The following GPR153 variants were observed in gnomAD, a reference collection of about 807,000 sequenced individuals.
GPR153 encodes the protein probable G protein-coupled receptor 153.
A neutral mutation model predicts 34.1 loss-of-function variants in GPR153; 27 were observed. The observed-to-expected ratio is 0.79, with a 90% CI of 0.58 to 1.09. The LOEUF is 1.09. GPR153 is among the 50% of genes least tolerant of loss of function. The probability of loss-of-function intolerance (pLI) is 0.00; values close to 1 mark genes in which losing one functional copy is unlikely to be tolerated. For missense variants in GPR153, 848 were observed against 860.2 expected, an observed-to-expected ratio of 0.99 and a Z score of 0.18; for synonymous variants, 408 against 405.4, an observed-to-expected ratio of 1.01 and a Z score of -0.08.
Position 6,248,226 on chromosome 1 carries a change from G to A in GPR153, c.*1112C>T, listed in dbSNP as rs1047181902. Reference sequence around the variant, plus strand: ...GGGTCTGCCCAGGATGGAAGGCAAAGAAATACATTGCTCCCAGGGGTTGGA... The same window carrying A: ...GGGTCTGCCCAGGATGGAAGGCAAAAAAATACATTGCTCCCAGGGGTTGGA... On this transcript the variant is annotated 3_prime_UTR_variant, in exon 6 of 6. Coordinates refer to ENST00000377893, the MANE Select transcript of GPR153 (RefSeq NM_207370.4). The A allele has an allele frequency of 5.3e-5, 8 of 152,316 alleles. No homozygotes were observed. Among genetic ancestry groups the A allele is most frequent in the African/African-American group, 1.9e-4 (8 of 41,466 alleles). 9.4% of individuals were successfully genotyped at this position (152,316 alleles called of 1,614,324 possible).
At position 6,253,762 on chromosome 1, in the gene GPR153, T is replaced by TG; in HGVS notation, c.741dup (p.Thr248HisfsTer59). 6.5e-7 allele frequency: 1 copy of TG among 1,541,372 alleles called. No individual in the cohort carries two copies. Among genetic ancestry groups the TG allele is most frequent in the Non-Finnish European group, 8.8e-7 (1 of 1,142,682 alleles). On this transcript the variant is annotated frameshift_variant, in exon 3 of 6. Coordinates refer to ENST00000377893, the MANE Select transcript of GPR153 (RefSeq NM_207370.4). LOFTEE classifies it high-confidence loss of function. ...AGGCAGTCGTAGATGAAGACTATGGTGGTCACGAGGCCCGTGGTCTGCAGA... is the reference window on the plus strand; with the variant it reads ...AGGCAGTCGTAGATGAAGACTATGGTGGGTCACGAGGCCCGTGGTCTGCAGA...
chr1:6,255,727 A>G (rs1638556824), intron 1 of GPR153, among the ~76,000 whole-genome samples: 1 of 129,986 alleles, frequency 7.7e-6, no homozygotes, highest in Non-Finnish European at 1.5e-5. Flanking sequence ...ATCTTGGCTC[A>G]CTATAACCTT....
chr1:6,251,088 T>C lies in GPR153; in HGVS notation c.979+250A>G, dbSNP rs1638438706. Among the ~76,000 whole-genome samples the C allele has an allele frequency of 6.6e-6, 1 of 152,146 alleles. No homozygotes were observed. The highest frequency in any genetic ancestry group is 2.4e-5 in the African/African-American group (1 of 41,434). On this transcript the variant is annotated intron_variant, in intron 4 of 5. Coordinates refer to ENST00000377893, the MANE Select transcript of GPR153 (RefSeq NM_207370.4). This position sits in a 1 kb window ranked among gnomAD's most constrained non-coding sequence, Gnocchi z 4.9. The stretch of plus-strand genomic sequence containing the variant: ...GGAGCACTTGCAGACATGTCTACCC[T>C]GCTCTCTGTTAACCAGAACATCCCA...
chr1:6,254,886 A>C lies in GPR153; in HGVS notation c.20T>G (p.Leu7Arg), dbSNP rs1638532415. The C allele has an allele frequency of 6.4e-7, 1 of 1,573,138 alleles. No homozygotes were observed. Reference sequence around the variant, plus strand: ...CAGCCAGCCCACTGCACTGCCAGGCAGCCGCCGCTCATCACTCATGGTGCA... The same window carrying C: ...CAGCCAGCCCACTGCACTGCCAGGCCGCCGCCGCTCATCACTCATGGTGCA... MSDERR[L>R]PGSAVGWLVC... is the part of the protein sequence containing the mutation. Residue 7 changes from leucine (L) to arginine (R), a missense_variant, in exon 2 of 6, where the codon CTG becomes CGG. Physicochemically the swap from Leu to Arg is moderately radical, Grantham distance 102. Transcript: ENST00000377893.
chr1:6,251,154 C>T lies in GPR153; in HGVS notation c.979+184G>A, dbSNP rs970425952. ...GGCAGCCAAGCCAGATAGGAGAGTG[C>T]CCTGTGGGAACCTGGCTTAGGTCCC... On this transcript the variant is annotated intron_variant, in intron 4 of 5. Transcript: ENST00000377893. The surrounding 1 kb of genome is among the most constrained non-coding windows in gnomAD (Gnocchi z 4.9). Among the ~76,000 whole-genome samples, 2 of 152,308 alleles carry T rather than the reference C, an allele frequency of 1.3e-5. No individual in the cohort carries two copies. Among genetic ancestry groups the T allele is most frequent in the Admixed American group, 6.5e-5 (1 of 15,306 alleles).
chr1:6,249,951 A>G lies in GPR153; in HGVS notation c.1217T>C (p.Val406Ala), dbSNP rs1638403789. ...SHDDADVWAA[V>A]PLPAFLPRWG... is the part of the protein sequence containing the mutation. ...GCGCGGCAGGAAGGCGGGCAGCGGG[A>G]CGGCGGCCCACACGTCCGCATCGTC... is the stretch of plus-strand genomic sequence containing the variant. The change falls in exon 6 of 6, where the codon GTC becomes GCC. Residue 406 changes from valine to alanine, a missense_variant. Physicochemically the swap from Val to Ala is moderately conservative, Grantham distance 64 (BLOSUM62 0). Transcript: ENST00000377893. This position sits in a 1 kb window ranked among gnomAD's most constrained non-coding sequence, Gnocchi z 4.3. The G allele has an allele frequency of 1.6e-6, 2 of 1,281,054 alleles. No homozygotes were observed. Among genetic ancestry groups the G allele is most frequent in the South Asian group, 3.0e-5 (1 of 33,862 alleles). 79.4% of individuals were successfully genotyped at this position (1,281,054 alleles called of 1,614,324 possible). A position where few individuals can be genotyped will look rare whatever the true frequency, so the allele number is the denominator to read the frequency against.
chr1:6,253,000 CCCTACCTA>C (rs1638482989), intron 3 of GPR153, among the ~76,000 whole-genome samples: 2 of 152,144 alleles, frequency 1.3e-5, no homozygotes, highest in South Asian at 2.1e-4. Context: ...GATCCTGCGC[CCCTACCTA>C]CCTACCTACG....
intron 1 of GPR153, among the ~76,000 whole-genome samples, chr1:6,256,493 G>A (rs957211063): frequency 1.3e-5 from 2 of 151,104 alleles, no homozygotes; most frequent in African/African-American, 4.9e-5. Flanking sequence ...CCTCAGCCCC[G>A]AGTGGCTGGG....
Position 6,249,865 on chromosome 1 carries a change from G to A in GPR153, c.1303C>T (p.Arg435Trp), listed in dbSNP as rs1436408125. Residue 435 changes from arginine (R) to tryptophan (W), a missense_variant, in exon 6 of 6, where the codon CGG becomes TGG. Arg to Trp is a moderately radical substitution (Grantham distance 101, BLOSUM62 -3). Coordinates refer to ENST00000377893, the MANE Select transcript of GPR153 (RefSeq NM_207370.4). The surrounding 1 kb of genome is among the most constrained non-coding windows in gnomAD (Gnocchi z 4.3). ...AAGGCCAGGAGGCTGGCGCGGCGCCGCTCGGGCCCGGCAGGCAGCACCAGG... is the reference window on the plus strand; with the variant it reads ...AAGGCCAGGAGGCTGGCGCGGCGCCACTCGGGCCCGGCAGGCAGCACCAGG... The part of the protein sequence containing the change: ...AHLVLPAGPE[R>W]RRASLLAFAE... The A allele has an allele frequency of 1.6e-6, 2 of 1,273,072 alleles. No homozygotes were observed. The highest frequency in any genetic ancestry group is 2.8e-5 in the South Asian group (1 of 35,326). The allele number at this position is 1,273,072 out of a possible 1,614,324, so 78.9% of individuals were successfully genotyped here. A position where few individuals can be genotyped will look rare whatever the true frequency, so the allele number is the denominator to read the frequency against.
intron 1 of GPR153, among the ~76,000 whole-genome samples, chr1:6,260,410 G>T (rs1321981201): frequency 3.1e-5 from 2 of 63,718 alleles, no homozygotes; most frequent in Admixed American, 4.9e-4. Context: ...GCTCCGACTC[G>T]CGTGCTCTCG....
chr1:6,250,134 G>A (rs1372354907), intron 5 of GPR153, 131 bp from the exon 6 acceptor site: 12 of 1,332,442 alleles, frequency 9.0e-6, no homozygotes, highest in Non-Finnish European at 1.1e-5. Context: ...CTGGCTGGGA[G>A]CTGTGAGGTT....
Position 6,254,147 on chromosome 1 carries a change from C to T in GPR153, c.357G>A (p.Arg119=). ...CCGCCTGCTTCTTGGCATTGCTCAG[C>T]CTGGCATGAGGCAGGGTGGAACAGA... ...MWMVCWPVNY[R]LSNAKKQAVH... Residue 119 remains arginine, a splice_region_variant and synonymous_variant, in exon 3 of 6, where the codon CGG becomes CGA. Transcript: ENST00000377893. 6.2e-7 allele frequency: 1 copy of T among 1,604,016 alleles called. No homozygotes were observed. The highest frequency in any genetic ancestry group is 1.1e-5 in the South Asian group (1 of 90,302).
At position 6,249,227 on chromosome 1, in the gene GPR153, C is replaced by G. The variant is rs1638373047; in HGVS notation, c.*111G>C. 1.2e-6 allele frequency: 1 copy of G among 807,378 alleles called. No homozygotes were observed. Among genetic ancestry groups the G allele is most frequent in the Non-Finnish European group, 1.7e-6 (1 of 600,818 alleles). 50.0% of individuals were successfully genotyped at this position (807,378 alleles called of 1,614,324 possible). A position where few individuals can be genotyped will look rare whatever the true frequency, so the allele number is the denominator to read the frequency against. On this transcript the variant is annotated 3_prime_UTR_variant, in exon 6 of 6. Coordinates refer to ENST00000377893, the MANE Select transcript of GPR153 (RefSeq NM_207370.4). The surrounding 1 kb of genome is among the most constrained non-coding windows in gnomAD (Gnocchi z 4.3). ...CGCTGAGGCCAACGCCCCCTCACCC[C>G]TGGGAGGGGTGGCGCATGTCTGCGC...
chr1:6,260,675 T>C (rs1571246228), intron 1 of GPR153, 150 bp downstream of exon 1: 1 of 151,610 alleles, frequency 6.6e-6, no homozygotes, highest in East Asian at 2.0e-4. Context: ...GGTCCCCAAG[T>C]TGGGGGGGTG....
chr1:6,258,090 G>A (rs1429261939), intron 1 of GPR153, among the ~76,000 whole-genome samples: 1 of 152,230 alleles, frequency 6.6e-6, no homozygotes, highest in African/African-American at 2.4e-5. Flanking sequence ...GGCAGGGAAG[G>A]CAGCGATGCC....
At chr1:6,250,647 G>T (rs997249905) in intron 4 of GPR153, 23 bp from the exon 5 acceptor site, 11 of 200,632 alleles carry the variant, frequency 5.5e-5, no homozygotes, top group Non-Finnish European at 1.0e-4. Context: ...GGGTGGGTGG[G>T]GGGGCAGAGC....
Position 6,250,458 on chromosome 1 carries a change from G to A in GPR153, c.1146C>T (p.Asp382=), listed in dbSNP as rs1638419125. ...QLYPLRPLQE[D]KMQYLQVPPT... The stretch of plus-strand genomic sequence containing the variant: ...CGCTCACCTGCAGGTATTGCATCTT[G>A]TCCTCCTGCAAGGGCCGCAGTGGGT... The change falls in exon 5 of 6, where the codon GAC becomes GAT. Residue 382 remains aspartate (D), a synonymous_variant. Coordinates refer to ENST00000377893, the MANE Select transcript of GPR153 (RefSeq NM_207370.4). 1.8e-5 allele frequency: 29 copies of A among 1,604,382 alleles called. No homozygotes were observed. The highest frequency in any genetic ancestry group is 2.5e-5 in the Non-Finnish European group (29 of 1,176,040).
intron 1 of GPR153, among the ~76,000 whole-genome samples, chr1:6,255,805 A>C (rs1638558448): frequency 6.6e-6 from 1 of 151,374 alleles, no homozygotes; most frequent in African/African-American, 2.4e-5. Context: ...GGCACGCACC[A>C]CCACGCCTGG....
At chr1:6,256,157 A>G (rs6703384) in intron 1 of GPR153, among the ~76,000 whole-genome samples, 107,631 of 151,876 alleles carry the variant, frequency 0.71, 38,322 homozygotes, top group Admixed American at 0.76. Context: ...AAGGGCTTCC[A>G]GGAGTGAGTT....
Sources: gnomAD v4.1 joint callset for allele counts (sites outside exome capture counted in the v4.1 genomes callset) on GRCh38, gnomAD v4.1.1 for gene constraint, Gnocchi (gnomAD v3.1) non-coding constraint, MANE v1.5 for transcripts, NCBI Gene and HGNC (gene_info 2026-07-23, HGNC 2026-07-21) for gene names.